BACE2: variants seen among roughly 807,000 people sequenced by gnomAD.
BACE2 encodes the protein beta-secretase 2, also known as 56 kDa aspartic-like protease.
In BACE2, 17 loss-of-function variants were observed where a neutral mutation model predicts 46.2. The observed-to-expected ratio is 0.37, with a 90% CI of 0.25 to 0.55. BACE2 has a LOEUF of 0.55. BACE2 is among the 20% of genes least tolerant of loss of function. The pLI, the probability that BACE2 is intolerant of heterozygous loss-of-function variation, is 0.82. For synonymous variants in BACE2, 277 were observed against 295.9 expected (o/e 0.94, Z 0.66); for missense variants, 595 against 698.1 (o/e 0.85, Z 1.66).
chr21:41,239,524 C>T (rs922303662), intron 3 of BACE2, among the ~76,000 whole-genome samples: 2 of 152,170 alleles, frequency 1.3e-5, no homozygotes, highest in Admixed American at 6.5e-5. Context: ...ACCACAGGCA[C>T]ATGCCACAAC....
At chr21:41,186,076 C>T (rs117630945) in intron 1 of BACE2, 2,240 of 152,414 alleles carry the variant, frequency 0.015, 35 homozygotes, top group Non-Finnish European at 0.022. Context: ...GCACCTAAAC[C>T]GTGGGGAACT....
intron 1 of BACE2, among the ~76,000 whole-genome samples, chr21:41,171,751 T>C (rs2123481872): frequency 6.6e-6 from 1 of 152,348 alleles, no homozygotes; most frequent in Non-Finnish European, 1.5e-5. Context: ...ATATACCTTG[T>C]AGTAGCTTCA....
chr21:41,202,624 G>T (rs779187240), intron 1 of BACE2, among the ~76,000 whole-genome samples: 1 of 152,204 alleles, frequency 6.6e-6, no homozygotes, highest in Non-Finnish European at 1.5e-5. Flanking sequence ...ACTGGAAAAG[G>T]GAGAACGTGG....
chr21:41,238,877 G>T lies in BACE2; in HGVS notation c.618+1148G>T, dbSNP rs535981105. On this transcript the variant is annotated intron_variant, in intron 3 of 8. Coordinates refer to ENST00000330333, the MANE Select transcript of BACE2 (RefSeq NM_012105.5). The stretch of plus-strand genomic sequence containing the variant: ...TAGATGACGAGTTAGTGGGCGCAGC[G>T]CACCAGCATGGCACATGTATACATA... Among the ~76,000 whole-genome samples the T allele has an allele frequency of 3.4e-5, 5 of 145,614 alleles. No homozygotes were observed. In the South Asian group the frequency reaches 1.1e-3, roughly 32 times the overall value.
At chr21:41,210,179 C>G (rs939726230) in intron 1 of BACE2, among the ~76,000 whole-genome samples, 1 of 152,152 alleles carries the variant, frequency 6.6e-6, no homozygotes, top group Non-Finnish European at 1.5e-5. Context: ...CAGTTGGTAT[C>G]AACCTGCTGT....
chr21:41,196,802 T>C (rs1425038108), intron 1 of BACE2, among the ~76,000 whole-genome samples: 1 of 152,224 alleles, frequency 6.6e-6, no homozygotes, highest in Non-Finnish European at 1.5e-5. Flanking sequence ...CTGGTCTTCG[T>C]TGACGGTGAC....
chr21:41,253,665 C>T (rs779260894), intron 7 of BACE2, among the ~76,000 whole-genome samples: 6 of 151,998 alleles, frequency 3.9e-5, no homozygotes, highest in South Asian at 2.1e-4. Flanking sequence ...GGGTCACAGC[C>T]GGGAAGGCTT....
At chr21:41,254,883 T>C (rs1987736144) in intron 7 of BACE2, among the ~76,000 whole-genome samples, 1 of 152,250 alleles carries the variant, frequency 6.6e-6, no homozygotes, top group Non-Finnish European at 1.5e-5. Context: ...TGCCTACTTT[T>C]AAAACTCTGT....
chr21:41,244,891 G>GT, intron 5 of BACE2, among the ~76,000 whole-genome samples: 1 of 151,488 alleles, frequency 6.6e-6, no homozygotes, highest in East Asian at 1.9e-4. Context: ...GAGTGTGTGT[G>GT]TATGTGTGTG....
intron 7 of BACE2, 142 bp from the exon 8 acceptor site, chr21:41,257,016 A>T: frequency 1.2e-6 from 1 of 825,128 alleles, no homozygotes; most frequent in East Asian, 2.6e-5. Context: ...CCTGGATGGC[A>T]GGGTGAGATC....
rs182698428 is a variant in BACE2, at chr21:41,171,239, T to A, written c.312+2664T>A. 3.6e-3 allele frequency among the ~76,000 whole-genome samples: 552 copies of A among 152,358 alleles called. 3 individuals carry two copies. Among genetic ancestry groups the A allele is most frequent in the African/African-American group, 9.8e-3 (406 of 41,600 alleles). ...CCCCATCTCCTCTTTCCTTCAGCACTGCTGAATGAGCAACAGAATGAAGGG... is the reference window on the plus strand; with the variant it reads ...CCCCATCTCCTCTTTCCTTCAGCACAGCTGAATGAGCAACAGAATGAAGGG... On this transcript the variant is annotated intron_variant, in intron 1 of 8. Coordinates refer to ENST00000330333, the MANE Select transcript of BACE2 (RefSeq NM_012105.5).
chr21:41,183,227 A>G (rs1985211468), intron 1 of BACE2: 1 of 166,188 alleles, frequency 6.0e-6, no homozygotes, highest in Admixed American at 6.5e-5. Flanking sequence ...AGCCATTTTA[A>G]CCATTTTAAA....
chr21:41,184,141 C>G (rs1423161172), intron 1 of BACE2: 1 of 167,044 alleles, frequency 6.0e-6, no homozygotes, highest in Non-Finnish European at 1.5e-5. Context: ...CTCCTAATGT[C>G]AGGAGAAGAT....
intron 8 of BACE2, among the ~76,000 whole-genome samples, chr21:41,267,005 A>G (rs2088383210): frequency 6.6e-6 from 1 of 151,008 alleles, no homozygotes; most frequent in Non-Finnish European, 1.5e-5. Flanking sequence ...TGTTTGTCCG[A>G]TGACACTTAG....
chr21:41,236,966 A>G (rs1403673835), intron 2 of BACE2, among the ~76,000 whole-genome samples: 1 of 152,250 alleles, frequency 6.6e-6, no homozygotes, highest in East Asian at 1.9e-4. Context: ...TCCACATGAC[A>G]TGGAAAACAC....
At chr21:41,206,275 G>A (rs917333490) in intron 1 of BACE2, among the ~76,000 whole-genome samples, 1 of 152,116 alleles carries the variant, frequency 6.6e-6, no homozygotes, top group African/African-American at 2.4e-5. Flanking sequence ...AAGAGGGTGA[G>A]AGCTCCTCCG....
At chr21:41,194,026 A>T (rs890653039) in intron 1 of BACE2, among the ~76,000 whole-genome samples, 12 of 151,932 alleles carry the variant, frequency 7.9e-5, no homozygotes, top group African/African-American at 2.9e-4. Flanking sequence ...AGGGGACCCG[A>T]CCTCCCCTTC....
intron 1 of BACE2, chr21:41,179,065 TGAG>T: frequency 8.7e-7 from 1 of 1,149,724 alleles, no homozygotes; most frequent in Non-Finnish European, 1.1e-6. Context: ...GGTGAAGACT[TGAG>T]GGTGTCAGGG....
chr21:41,201,527 A>G (rs1363961828), intron 1 of BACE2, among the ~76,000 whole-genome samples: 1 of 152,158 alleles, frequency 6.6e-6, no homozygotes, highest in East Asian at 1.9e-4. Flanking sequence ...TTCAGCTGTG[A>G]CTCTTACTGT....
Sources: allele counts gnomAD v4.1 joint callset (sites outside exome capture counted in the v4.1 genomes callset), GRCh38; gene constraint gnomAD v4.1.1; transcripts MANE v1.5; gene names NCBI Gene and HGNC (gene_info 2026-07-23, HGNC 2026-07-21).